THOC1: variants seen among roughly 807,000 people sequenced by gnomAD.
THOC1 encodes the protein THO complex subunit 1.
In THOC1, 29 loss-of-function variants were observed where a neutral mutation model predicts 97.3. The observed-to-expected ratio is 0.30, with a 90% CI of 0.22 to 0.41. The LOEUF (loss-of-function observed/expected upper bound fraction) is 0.41. Ranked by LOEUF, THOC1 falls within the 10% of genes least tolerant of loss-of-function variation. The pLI is 1.00. For synonymous variants in THOC1, 255 were observed against 257.0 expected, an observed-to-expected ratio of 0.99 and a Z score of 0.07; for missense variants, 529 against 761.9, an observed-to-expected ratio of 0.69 and a Z score of 3.60.
chr18:255,133 TC>T (rs1259805601), intron 7 of THOC1, among the ~76,000 whole-genome samples: 1 of 152,186 alleles, frequency 6.6e-6, no homozygotes, highest in African/African-American at 2.4e-5. Flanking sequence ...GCCTCCTTAT[TC>T]CCTGAGACGA....
At chr18:258,902 A>G (rs1418595845) in intron 7 of THOC1, among the ~76,000 whole-genome samples, 1 of 152,172 alleles carries the variant, frequency 6.6e-6, no homozygotes, top group Non-Finnish European at 1.5e-5. Context: ...ACATTATGAA[A>G]TACGGATATG....
At chr18:250,700 A>T (rs913474163) in intron 9 of THOC1, among the ~76,000 whole-genome samples, 2 of 152,248 alleles carry the variant, frequency 1.3e-5, no homozygotes, top group African/African-American at 4.8e-5. Context: ...AACAGCTGTC[A>T]CAAAGTAATT....
chr18:223,966 A>T, intron 16 of THOC1, 118 bp downstream of exon 16: 1 of 764,232 alleles, frequency 1.3e-6, no homozygotes, highest in Non-Finnish European at 2.2e-6. Flanking sequence ...TGCTTTGGCT[A>T]TCTATGTGTG....
At chr18:217,122 C>T (rs978296336) in intron 18 of THOC1, among the ~76,000 whole-genome samples, 3 of 152,230 alleles carry the variant, frequency 2.0e-5, no homozygotes, top group African/African-American at 7.2e-5. Context: ...AGAAACCAAA[C>T]CACAAATTTA....
In THOC1 at chr18:254,180, A is replaced by C. The variant is rs889697211; in HGVS notation, c.603+93T>G. 3.7e-4 allele frequency: 323 copies of C among 874,594 alleles called. No homozygotes were observed. Among genetic ancestry groups the C allele is most frequent in the Non-Finnish European group, 5.8e-4 (314 of 540,884 alleles). The allele number at this position is 874,594 out of a possible 1,614,324, so 54.2% of individuals were successfully genotyped here. On this transcript the variant is annotated intron_variant, in intron 8 of 20. Coordinates refer to ENST00000261600, the MANE Select transcript of THOC1 (RefSeq NM_005131.3). The surrounding 1 kb of genome is among the most constrained non-coding windows in gnomAD (Gnocchi z 4.1). Reference sequence around the variant, plus strand: ...GCCCACCTCAGCCTCCCAAAGTGCTAGGATTACAAGTGTGAGCCACTGTGC... The same window carrying C: ...GCCCACCTCAGCCTCCCAAAGTGCTCGGATTACAAGTGTGAGCCACTGTGC...
intron 5 of THOC1, 27 bp from the exon 6 acceptor site, chr18:259,757 C>T (rs764851175): frequency 2.0e-6 from 3 of 1,505,990 alleles, no homozygotes; most frequent in Non-Finnish European, 2.7e-6. Context: ...AATTATCACT[C>T]TTCTTCAGAA....
chr18:267,863 C>T (rs773169610), intron 1 of THOC1, 103 bp downstream of exon 1: 1 of 1,262,834 alleles, frequency 7.9e-7, no homozygotes, highest in Admixed American at 2.4e-5. Context: ...GGCGGACACA[C>T]CTCTGTCTCA....
intron 12 of THOC1, 64 bp from the exon 13 acceptor site, chr18:225,467 A>T: frequency 7.3e-7 from 1 of 1,365,968 alleles, no homozygotes; most frequent in Non-Finnish European, 1.0e-6. Context: ...TTTAAGGTTT[A>T]AAAAACACAA....
At chr18:222,181 T>C (rs992119517) in intron 17 of THOC1, among the ~76,000 whole-genome samples, 1 of 152,212 alleles carries the variant, frequency 6.6e-6, no homozygotes, top group African/African-American at 2.4e-5. Flanking sequence ...CACCCCTTCT[T>C]GTCTTACATG....
intron 1 of THOC1, among the ~76,000 whole-genome samples, chr18:267,711 C>CG (rs1410955351): frequency 2.6e-5 from 4 of 152,264 alleles, no homozygotes; most frequent in South Asian, 4.1e-4. Flanking sequence ...GCACTCCAAG[C>CG]GGGGAGCCGA....
At position 264,019 on chromosome 18, in the gene THOC1, T is replaced by C. The variant is rs778314850; in HGVS notation, c.256+7A>G. On this transcript the variant is annotated splice_region_variant and intron_variant, in intron 4 of 20. Coordinates refer to ENST00000261600, the MANE Select transcript of THOC1 (RefSeq NM_005131.3). ...CTTTAAACAAAACAAAACGGAACCA[T>C]ACTTACCTTCAGTTACTCCCCCAAT... The C allele has an allele frequency of 4.4e-6, 7 of 1,606,918 alleles. 1 individual carries two copies. The South Asian group carries it at 7.8e-5, about 18-fold the overall frequency.
intron 7 of THOC1, among the ~76,000 whole-genome samples, chr18:258,766 T>A (rs1912512696): frequency 6.6e-6 from 1 of 152,126 alleles, no homozygotes; most frequent in Non-Finnish European, 1.5e-5. Flanking sequence ...ATTATTCGCT[T>A]TATGTACTTT....
At chr18:239,361 G>C (rs1911817697) in intron 11 of THOC1, among the ~76,000 whole-genome samples, 1 of 152,162 alleles carries the variant, frequency 6.6e-6, no homozygotes, top group Non-Finnish European at 1.5e-5. Flanking sequence ...ATGGAGTGCA[G>C]TGGTGTGATC....
intron 9 of THOC1, 141 bp from the exon 10 acceptor site, chr18:248,098 T>C (rs1228401161): frequency 1.0e-5 from 6 of 583,894 alleles, no homozygotes; most frequent in East Asian, 6.2e-5. Context: ...CAAATGCTTA[T>C]ATAAACTTTT....
intron 11 of THOC1, among the ~76,000 whole-genome samples, chr18:229,036 T>A (rs991605464): frequency 6.6e-6 from 1 of 152,212 alleles, no homozygotes; most frequent in Non-Finnish European, 1.5e-5. Context: ...GCATTTCATT[T>A]CTTGGCCCCC....
chr18:216,806 CA>C (rs1910907489), intron 18 of THOC1, among the ~76,000 whole-genome samples, 173 bp from the exon 19 acceptor site: 2 of 152,216 alleles, frequency 1.3e-5, no homozygotes. Flanking sequence ...CTGATAATAA[CA>C]AACCAATAGA....
intron 11 of THOC1, among the ~76,000 whole-genome samples, chr18:230,828 G>C (rs1432405972): frequency 6.6e-6 from 1 of 152,144 alleles, no homozygotes; most frequent in African/African-American, 2.4e-5. Context: ...CTTGAACTCA[G>C]GGGCTCAACC....
chr18:259,414 G>A, intron 6 of THOC1, 139 bp from the exon 7 acceptor site: 1 of 727,974 alleles, frequency 1.4e-6, no homozygotes, highest in Non-Finnish European at 2.2e-6. Flanking sequence ...CGAAACCACT[G>A]CCACAAAAAA....
intron 11 of THOC1, among the ~76,000 whole-genome samples, chr18:228,683 G>A (rs915644156): frequency 6.6e-6 from 1 of 152,114 alleles, no homozygotes; most frequent in Non-Finnish European, 1.5e-5. Context: ...TATTTCTTCT[G>A]TCATGTCTAG....
Sources: gnomAD v4.1 joint callset for allele counts (sites outside exome capture counted in the v4.1 genomes callset) on GRCh38, gnomAD v4.1.1 for gene constraint, Gnocchi (gnomAD v3.1) non-coding constraint, MANE v1.5 for transcripts, NCBI Gene and HGNC (gene_info 2026-07-23, HGNC 2026-07-21) for gene names.